GRID2: variants seen among roughly 807,000 people sequenced by gnomAD.
GRID2 encodes glutamate ionotropic receptor delta type subunit 2, also known as glutamate receptor ionotropic, delta-2.
A neutral mutation model predicts 114.8 loss-of-function variants in GRID2; 33 were observed. The observed-to-expected ratio is 0.29, with a 90% CI of 0.22 to 0.38. GRID2 has a LOEUF of 0.38. GRID2 is among the 10% of genes least tolerant of loss of function. GRID2 has a pLI of 1.00. For missense variants in GRID2, 1,184 were observed against 1,257.7 expected, an observed-to-expected ratio of 0.94 and a Z score of 0.89; for synonymous variants, 505 against 449.9, an observed-to-expected ratio of 1.12 and a Z score of -1.55.
At chr4:93,798,183 G>A (rs774138338) in intron 1 of GRID2, among the ~76,000 whole-genome samples, 21 of 151,964 alleles carry the variant, frequency 1.4e-4, no homozygotes, top group Admixed American at 3.3e-4. Flanking sequence ...AATAAAAAGA[G>A]GAGCAGGAGT....
At chr4:93,501,496 ATTG>A (rs1221026635) in intron 12 of GRID2, among the ~76,000 whole-genome samples, 16 of 152,044 alleles carry the variant, frequency 1.1e-4, no homozygotes, top group Admixed American at 1.0e-3. Flanking sequence ...CTTACTCTCT[ATTG>A]TTAGTGTTGA....
chr4:93,190,281 TTTTA>T (rs1215305211), intron 4 of GRID2, among the ~76,000 whole-genome samples: 18 of 152,272 alleles, frequency 1.2e-4, no homozygotes, highest in Non-Finnish European at 1.0e-4. Flanking sequence ...GATTTCTATA[TTTTA>T]TTAAACTACA....
chr4:92,922,176 G>A lies in GRID2; in HGVS notation c.245-162819G>A, dbSNP rs116506862. Reference sequence around the variant, plus strand: ...GCGGGATATAATCTCGTGGTGTGCCGCTTGCTAAGACAGTTGGAAAAGCAC... The same window carrying A: ...GCGGGATATAATCTCGTGGTGTGCCACTTGCTAAGACAGTTGGAAAAGCAC... On this transcript the variant is annotated intron_variant, in intron 2 of 15. Transcript: ENST00000282020. Among the ~76,000 whole-genome samples the A allele has an allele frequency of 7.8e-3, 1,186 of 152,286 alleles. 14 individuals carry two copies. Among genetic ancestry groups the A allele is most frequent in the African/African-American group, 0.026 (1,061 of 41,580 alleles).
At chr4:93,184,773 T>A (rs1375759415) in intron 4 of GRID2, among the ~76,000 whole-genome samples, 1 of 152,022 alleles carries the variant, frequency 6.6e-6, no homozygotes, top group South Asian at 2.1e-4. Flanking sequence ...TCGCAGATAC[T>A]CAGGAGGCTG....
intron 13 of GRID2, among the ~76,000 whole-genome samples, chr4:93,552,888 G>GT (rs1291938027): frequency 2.0e-5 from 3 of 148,620 alleles, no homozygotes; most frequent in Non-Finnish European, 4.4e-5. Context: ...ATGGTGTTTG[G>GT]TTTTCTGTCC....
intron 13 of GRID2, among the ~76,000 whole-genome samples, chr4:93,567,718 G>A (rs980943764): frequency 6.6e-6 from 1 of 152,198 alleles, no homozygotes; most frequent in Non-Finnish European, 1.5e-5. Context: ...CCCATGGCTT[G>A]CTGAGTGGTC....
intron 14 of GRID2, among the ~76,000 whole-genome samples, chr4:93,699,564 G>C (rs1277420695): frequency 6.6e-6 from 1 of 152,012 alleles, no homozygotes; most frequent in Non-Finnish European, 1.5e-5. Flanking sequence ...CAAGTAGTTT[G>C]TCCAAAGGTC....
At chr4:93,688,718 G>T (rs1726289669) in intron 14 of GRID2, among the ~76,000 whole-genome samples, 1 of 151,476 alleles carries the variant, frequency 6.6e-6, no homozygotes, top group African/African-American at 2.4e-5. Context: ...CCTCTTATAA[G>T]TACTTGTCAA....
At chr4:93,139,298 G>A (rs1308134150) in intron 4 of GRID2, among the ~76,000 whole-genome samples, 1 of 152,158 alleles carries the variant, frequency 6.6e-6, no homozygotes, top group Non-Finnish European at 1.5e-5. Flanking sequence ...GAGAGGATCA[G>A]TGACCACAGG....
At chr4:92,784,976 A>T (rs983012489) in intron 2 of GRID2, among the ~76,000 whole-genome samples, 1 of 151,660 alleles carries the variant, frequency 6.6e-6, no homozygotes, top group African/African-American at 2.4e-5. Flanking sequence ...ATTAAACATT[A>T]TATCATAAAT....
intron 1 of GRID2, among the ~76,000 whole-genome samples, chr4:92,435,968 A>G (rs1732717036): frequency 6.6e-6 from 1 of 152,106 alleles, no homozygotes. Context: ...ATTGTTTGGT[A>G]TAGTTTTAGA....
chr4:92,745,297 A>T (rs1470125887), intron 2 of GRID2, among the ~76,000 whole-genome samples: 1 of 152,246 alleles, frequency 6.6e-6, no homozygotes, highest in Non-Finnish European at 1.5e-5. Flanking sequence ...GAATATTTAA[A>T]AAACATAATA....
intron 2 of GRID2, among the ~76,000 whole-genome samples, chr4:92,687,596 G>A (rs1254675408): frequency 1.3e-5 from 2 of 152,240 alleles, no homozygotes; most frequent in Non-Finnish European, 2.9e-5. Flanking sequence ...TGGGGAGGCC[G>A]AGGTGGGCGG....
intron 1 of GRID2, among the ~76,000 whole-genome samples, chr4:93,800,112 A>T (rs540723964): frequency 6.6e-6 from 1 of 152,340 alleles, no homozygotes; most frequent in East Asian, 1.9e-4. Flanking sequence ...ATGTAATGTT[A>T]TAGGTTGACG....
At chr4:92,483,986 C>G (rs567127346) in intron 1 of GRID2, among the ~76,000 whole-genome samples, 2 of 152,070 alleles carry the variant, frequency 1.3e-5, no homozygotes, top group African/African-American at 2.4e-5. Flanking sequence ...GATTAAACTA[C>G]GTGAATGATA....
chr4:93,003,586 T>C (rs1293981390), intron 2 of GRID2, among the ~76,000 whole-genome samples: 1 of 152,034 alleles, frequency 6.6e-6, no homozygotes, highest in African/African-American at 2.4e-5. Context: ...TTTTGAGCAA[T>C]CTTTGACTTG....
intron 1 of GRID2, among the ~76,000 whole-genome samples, chr4:92,582,590 A>C (rs1227550289): frequency 6.6e-6 from 1 of 152,010 alleles, no homozygotes; most frequent in Non-Finnish European, 1.5e-5. Flanking sequence ...AAATATGCCT[A>C]ATTAATAAAA....
At chr4:93,033,105 C>T (rs184940671) in intron 2 of GRID2, among the ~76,000 whole-genome samples, 53 of 152,234 alleles carry the variant, frequency 3.5e-4, no homozygotes, top group African/African-American at 9.6e-4. Context: ...TCACACACAA[C>T]GATAGACCTA....
At chr4:93,224,034 C>T (rs751083367) in intron 6 of GRID2, among the ~76,000 whole-genome samples, 3 of 151,928 alleles carry the variant, frequency 2.0e-5, no homozygotes, top group Non-Finnish European at 2.9e-5. Context: ...ATGTGTATAC[C>T]TGTATAATTT....
Sources: allele counts gnomAD v4.1 joint callset (sites outside exome capture counted in the v4.1 genomes callset), GRCh38; gene constraint gnomAD v4.1.1; transcripts MANE v1.5; gene names NCBI Gene and HGNC (gene_info 2026-07-23, HGNC 2026-07-21).